DDI2: variants seen among roughly 807,000 people sequenced by gnomAD.
DDI2 encodes the protein protein DDI1 homolog 2.
Under a neutral mutation model 48.1 loss-of-function variants are expected in DDI2, and 5 were observed. That is an observed-to-expected ratio of 0.10 (90% confidence interval 0.05 to 0.22). DDI2 has a LOEUF of 0.22. Among genes scored for constraint, DDI2 ranks in the 10% least tolerant of loss-of-function variants. The pLI, the probability that DDI2 is intolerant of heterozygous loss-of-function variation, is 1.00. For synonymous variants in DDI2, 205 were observed against 183.6 expected, an observed-to-expected ratio of 1.12 and a Z score of -0.94; for missense variants, 285 against 506.2, an observed-to-expected ratio of 0.56 and a Z score of 4.19.
intron 1 of DDI2, among the ~76,000 whole-genome samples, chr1:15,618,345 G>A (rs1273298997): frequency 6.7e-6 from 1 of 148,474 alleles, no homozygotes; most frequent in Non-Finnish European, 1.5e-5. Context: ...GAAAGAAAAA[G>A]TTTAAGACTT....
At chr1:15,633,757 A>G in intron 4 of DDI2, 192 bp downstream of exon 4, 1 of 766,132 alleles carries the variant, frequency 1.3e-6, no homozygotes, top group Non-Finnish European at 2.1e-6. Context: ...TGACAAAGAT[A>G]TAGGTGCTTA....
intron 5 of DDI2, among the ~76,000 whole-genome samples, chr1:15,643,157 C>T (rs1570980688): frequency 6.6e-6 from 1 of 152,136 alleles, no homozygotes; most frequent in Admixed American, 6.5e-5. Flanking sequence ...TCGTTTGAAG[C>T]CAGGAGGCGA....
intron 8 of DDI2, among the ~76,000 whole-genome samples, chr1:15,656,154 A>T (rs1640271369): frequency 6.6e-6 from 1 of 152,138 alleles, no homozygotes; most frequent in Non-Finnish European, 1.5e-5. Context: ...TGTATTATTT[A>T]AAAACTGATG....
At chr1:15,644,813 T>C (rs928647092) in intron 6 of DDI2, among the ~76,000 whole-genome samples, 8 of 152,038 alleles carry the variant, frequency 5.3e-5, no homozygotes, top group African/African-American at 9.7e-5. Context: ...CAGGGTGGTC[T>C]CCATCTCCTG....
At chr1:15,632,039 C>A (rs577459077) in intron 3 of DDI2, among the ~76,000 whole-genome samples, 2 of 151,908 alleles carry the variant, frequency 1.3e-5, no homozygotes, top group Non-Finnish European at 1.5e-5. Flanking sequence ...CTCCTGACCT[C>A]GTGATCCACC....
intron 2 of DDI2, among the ~76,000 whole-genome samples, chr1:15,629,163 A>G (rs547570779): frequency 6.6e-6 from 1 of 152,206 alleles, no homozygotes; most frequent in Non-Finnish European, 1.5e-5. Context: ...CCCCAAGGGC[A>G]TGAGAAGAGT....
In DDI2 at chr1:15,626,764, G is replaced by T; in HGVS notation, c.234G>T (p.Glu78Asp). 6.2e-7 allele frequency: 1 copy of T among 1,614,166 alleles called. No individual in the cohort carries two copies. Among genetic ancestry groups the T allele is most frequent in the South Asian group, 1.1e-5 (1 of 91,080 alleles). Residue 78 changes from glutamate to aspartate, a missense_variant, in exon 2 of 10, where the codon GAG becomes GAT. Glu to Asp is a conservative substitution (Grantham distance 45). Coordinates refer to ENST00000480945, the MANE Select transcript of DDI2 (RefSeq NM_032341.5). Reference sequence around the variant, plus strand: ...ACGTTGTGATTTTACGACAGAAGGAGAATGCAGACCCTCGACCTCCAGTGC... The same window carrying T: ...ACGTTGTGATTTTACGACAGAAGGATAATGCAGACCCTCGACCTCCAGTGC... ...DGDVVILRQKENADPRPPVQF... is the reference protein window; with the variant it reads ...DGDVVILRQKDNADPRPPVQF...
In DDI2 at chr1:15,636,561, C is replaced by T. The variant is rs147087410; in HGVS notation, c.633-1746C>T. Among the ~76,000 whole-genome samples, 136 of 152,276 alleles carry T rather than the reference C, an allele frequency of 8.9e-4. 2 individuals are homozygous for T. The East Asian group carries it at 0.023, about 25-fold the overall frequency. On this transcript the variant is annotated intron_variant, in intron 4 of 9. Transcript: ENST00000480945. ...CATCCTAGCTCACTGCAGCCTCAGC[C>T]TCCCAGGCCCAAGCAATCTCTTGCG...
At chr1:15,621,876 AG>A (rs1459536627) in intron 1 of DDI2, among the ~76,000 whole-genome samples, 1 of 152,228 alleles carries the variant, frequency 6.6e-6, no homozygotes, top group Non-Finnish European at 1.5e-5. Flanking sequence ...TTAGATATGC[AG>A]TTGCCAGATC....
intron 8 of DDI2, 84 bp from the exon 9 acceptor site, chr1:15,656,533 A>C (rs1640275806): frequency 1.2e-6 from 2 of 1,611,040 alleles, no homozygotes; most frequent in Admixed American, 3.4e-5. Context: ...TAAAGATGGC[A>C]AAAGAACGGA....
chr1:15,655,527 T>C (rs983352288), intron 8 of DDI2, among the ~76,000 whole-genome samples: 3 of 149,466 alleles, frequency 2.0e-5, no homozygotes, highest in Non-Finnish European at 4.4e-5. Flanking sequence ...TGAGGAAGGG[T>C]GGATCACCTG....
rs1431832042 is a variant in DDI2, at chr1:15,617,558, G to C, written c.-113G>C. ...TGAGGGAGGGAGCGAGCGAGCGAAC[G>C]AGCAGCCGGCGCCGTCCTCCCGCAG... is the stretch of plus-strand genomic sequence containing the variant. On this transcript the variant is annotated 5_prime_UTR_variant, in exon 1 of 10. Transcript: ENST00000480945. 2.4e-5 allele frequency: 22 copies of C among 906,582 alleles called. No homozygotes were observed. The highest frequency in any genetic ancestry group is 3.2e-5 in the Non-Finnish European group (22 of 691,466). The allele number at this position is 906,582 out of a possible 1,614,324, so 56.2% of individuals were successfully genotyped here.
At chr1:15,640,347 A>G (rs548606733) in intron 5 of DDI2, among the ~76,000 whole-genome samples, 4 of 152,326 alleles carry the variant, frequency 2.6e-5, no homozygotes, top group East Asian at 1.9e-4. Flanking sequence ...TGTTTTATCC[A>G]TAAGAAAACT....
chr1:15,643,841 AT>A (rs1640046033), intron 6 of DDI2, among the ~76,000 whole-genome samples, 191 bp downstream of exon 6: 1 of 152,184 alleles, frequency 6.6e-6, no homozygotes, highest in Admixed American at 6.5e-5. Flanking sequence ...CGTCAAAGTT[AT>A]GTGTTTCTGC....
intron 9 of DDI2, among the ~76,000 whole-genome samples, chr1:15,657,840 C>G (rs984434945): frequency 2.6e-5 from 4 of 152,180 alleles, no homozygotes; most frequent in Non-Finnish European, 4.4e-5. Flanking sequence ...TTTCTAGACT[C>G]TAATGGGTAT....
At chr1:15,627,976 C>T (rs779049786) in intron 2 of DDI2, among the ~76,000 whole-genome samples, 1 of 151,964 alleles carries the variant, frequency 6.6e-6, no homozygotes, top group Non-Finnish European at 1.5e-5. Flanking sequence ...AGAAGTTAAA[C>T]GTATTTAAAC....
At chr1:15,622,662 C>T (rs527976916) in intron 1 of DDI2, among the ~76,000 whole-genome samples, 4 of 152,088 alleles carry the variant, frequency 2.6e-5, no homozygotes, top group South Asian at 4.1e-4. Flanking sequence ...ATGCCGGCAG[C>T]GGATCCCCTT....
In DDI2 at chr1:15,661,418, A is replaced by G. The variant is rs1437118087; in HGVS notation, c.*1628A>G. 11 of 1,614,058 alleles carry G rather than the reference A, an allele frequency of 6.8e-6. No homozygotes were observed. The highest frequency in any genetic ancestry group is 2.7e-5 in the African/African-American group (2 of 74,928). On this transcript the variant is annotated 3_prime_UTR_variant, in exon 10 of 10. Transcript: ENST00000480945. ...GAGCAAACTAAGTCTTTGTCATCCA[A>G]TTTCATATTGGTTAAAGACTTAGGT...
In DDI2 at chr1:15,668,961, T is replaced by C. The variant is rs1265484746; in HGVS notation, c.*9171T>C. On this transcript the variant is annotated 3_prime_UTR_variant, in exon 10 of 10. Coordinates refer to ENST00000480945, the MANE Select transcript of DDI2 (RefSeq NM_032341.5). The stretch of plus-strand genomic sequence containing the variant: ...TAATCAAAACACTTTATTTTATTTT[T>C]CTTTTTTTAAATAGGAACTTTCTGA... The C allele has an allele frequency of 1.3e-5, 2 of 152,262 alleles. No homozygotes were observed. The highest frequency in any genetic ancestry group is 4.8e-5 in the African/African-American group (2 of 41,472). The allele number at this position is 152,262 out of a possible 1,614,324, so 9.4% of individuals were successfully genotyped here.
Sources: gnomAD v4.1 joint callset for allele counts (sites outside exome capture counted in the v4.1 genomes callset) on GRCh38, gnomAD v4.1.1 for gene constraint, MANE v1.5 for transcripts, NCBI Gene and HGNC (gene_info 2026-07-23, HGNC 2026-07-21) for gene names.